GRM7: variants seen among roughly 807,000 people sequenced by gnomAD.
GRM7 encodes metabotropic glutamate receptor 7.
A neutral mutation model predicts 84.5 loss-of-function variants in GRM7; 35 were observed. The ratio of observed to expected loss-of-function variants is 0.41; its 90% confidence interval spans 0.32 to 0.55. The LOEUF is 0.55. Among genes scored for constraint, GRM7 ranks in the 20% least tolerant of loss-of-function variants. The pLI is 0.19. For synonymous variants in GRM7, 487 were observed against 455.1 expected, an observed-to-expected ratio of 1.07 and a Z score of -0.89; for missense variants, 1,003 against 1,194.6, an observed-to-expected ratio of 0.84 and a Z score of 2.36.
At chr3:6,952,970 C>A (rs1692852463) in intron 1 of GRM7, among the ~76,000 whole-genome samples, 1 of 152,158 alleles carries the variant, frequency 6.6e-6, no homozygotes, top group Admixed American at 6.5e-5. Flanking sequence ...AATACAACAA[C>A]TGTTCTTAAT....
At chr3:7,213,561 C>T (rs916130810) in intron 2 of GRM7, among the ~76,000 whole-genome samples, 43 of 152,286 alleles carry the variant, frequency 2.8e-4, no homozygotes, top group African/African-American at 1.0e-3. Flanking sequence ...CTATGAGACA[C>T]AGATGTATAT....
At chr3:7,178,504 C>A (rs902846453) in intron 2 of GRM7, among the ~76,000 whole-genome samples, 1 of 152,112 alleles carries the variant, frequency 6.6e-6, no homozygotes, top group Non-Finnish European at 1.5e-5. Flanking sequence ...TCCTTGCACA[C>A]CTCAGCTCAC....
At chr3:7,596,296 G>A (rs759210721) in intron 8 of GRM7, among the ~76,000 whole-genome samples, 8 of 152,042 alleles carry the variant, frequency 5.3e-5, no homozygotes, top group Non-Finnish European at 8.8e-5. Context: ...AGGCAACTTC[G>A]GACACAGTAA....
At position 7,068,536 on chromosome 3, in the gene GRM7, C is replaced by A. The variant is rs551494129; in HGVS notation, c.520-77916C>A. On this transcript the variant is annotated intron_variant, in intron 1 of 9. Coordinates refer to ENST00000357716, the MANE Select transcript of GRM7 (RefSeq NM_000844.4). ...TTTTGATTTTAAACTCTATCTTGAG[C>A]ATGCTGTGTACAACATTGTTTACTG... Among the ~76,000 whole-genome samples the A allele has an allele frequency of 3.3e-5, 5 of 152,124 alleles. No individual in the cohort carries two copies. In the South Asian group the frequency reaches 8.3e-4, roughly 25 times the overall value.
intron 1 of GRM7, among the ~76,000 whole-genome samples, chr3:7,106,403 C>T (rs191882692): frequency 1.4e-3 from 205 of 151,600 alleles, no homozygotes; most frequent in Non-Finnish European, 2.0e-3. Flanking sequence ...TTCCAGTCCC[C>T]CCTATATTGT....
chr3:7,721,822 A>G (rs537079543), intron 9 of GRM7, among the ~76,000 whole-genome samples: 1 of 152,310 alleles, frequency 6.6e-6, no homozygotes, highest in Admixed American at 6.5e-5. Flanking sequence ...ACTATTCTAT[A>G]GAATAAGAAA....
intron 7 of GRM7, among the ~76,000 whole-genome samples, chr3:7,547,182 A>C (rs1020494025): frequency 1.4e-5 from 2 of 143,756 alleles, no homozygotes; most frequent in Non-Finnish European, 3.0e-5. Context: ...CACAGCCCCC[A>C]GAGAGTGAAT....
chr3:7,403,066 C>A (rs1695518781), intron 4 of GRM7: 1 of 290,734 alleles, frequency 3.4e-6, no homozygotes, highest in Non-Finnish European at 7.1e-6. Flanking sequence ...AAGATGGTAA[C>A]CAGGCAACAT....
chr3:7,573,385 G>A (rs1448526854), intron 7 of GRM7, among the ~76,000 whole-genome samples: 1 of 152,080 alleles, frequency 6.6e-6, no homozygotes, highest in African/African-American at 2.4e-5. Context: ...TTGGAAATAT[G>A]CAAATGGAAT....
At chr3:7,557,124 T>C (rs17665113) in intron 7 of GRM7, among the ~76,000 whole-genome samples, 13,947 of 152,216 alleles carry the variant, frequency 0.092, 799 homozygotes, top group South Asian at 0.12. Context: ...GGATGAAATC[T>C]AGTGGATGTG....
intron 9 of GRM7, among the ~76,000 whole-genome samples, chr3:7,701,535 C>A (rs950169208): frequency 2.6e-5 from 4 of 152,068 alleles, no homozygotes; most frequent in African/African-American, 7.2e-5. Flanking sequence ...GATCTCCTGA[C>A]CTCGTGATCC....
chr3:7,628,674 G>A (rs1236987441), intron 8 of GRM7, among the ~76,000 whole-genome samples: 1 of 152,146 alleles, frequency 6.6e-6, no homozygotes, highest in Non-Finnish European at 1.5e-5. Context: ...CTTCCTAGAT[G>A]AGGAGGCATT....
chr3:7,318,951 C>T lies in GRM7; in HGVS notation c.1033+12299C>T, dbSNP rs146181267. Among the ~76,000 whole-genome samples the T allele has an allele frequency of 2.6e-3, 388 of 152,092 alleles. 2 individuals are homozygous for T. The highest frequency in any genetic ancestry group is 8.8e-3 in the African/African-American group (367 of 41,504). On this transcript the variant is annotated intron_variant, in intron 4 of 9. Coordinates refer to ENST00000357716, the MANE Select transcript of GRM7 (RefSeq NM_000844.4). Reference sequence around the variant, plus strand: ...ATTTCAGACAAAAATGCCAATTTGTCGTTTGGATTTTAGGAGGTTTTGGCA... The same window carrying T: ...ATTTCAGACAAAAATGCCAATTTGTTGTTTGGATTTTAGGAGGTTTTGGCA...
Position 6,862,679 on chromosome 3 carries a change from G to A in GRM7, c.519+772G>A. 1 of 100,886 alleles carries A rather than the reference G, an allele frequency of 9.9e-6. No individual in the cohort carries two copies. The highest frequency in any genetic ancestry group is 1.8e-5 in the Non-Finnish European group (1 of 54,374). The allele number at this position is 100,886 out of a possible 1,614,324, so 6.2% of individuals were successfully genotyped here. A position where few individuals can be genotyped will look rare whatever the true frequency, so the allele number is the denominator to read the frequency against. ...CCACTTCAGACCTCAGCCCAGGGATGAGCTCACGCGAAACGAAATCGCTCT... is the reference window on the plus strand; with the variant it reads ...CCACTTCAGACCTCAGCCCAGGGATAAGCTCACGCGAAACGAAATCGCTCT... On this transcript the variant is annotated intron_variant, in intron 1 of 9. Transcript: ENST00000357716. This position sits in a 1 kb window ranked among gnomAD's most constrained non-coding sequence, Gnocchi z 5.2.
At chr3:7,390,347 A>G (rs1034172806) in intron 4 of GRM7, among the ~76,000 whole-genome samples, 5 of 152,036 alleles carry the variant, frequency 3.3e-5, no homozygotes, top group African/African-American at 1.2e-4. Context: ...ATTGTCTTGT[A>G]TCTCACAGGG....
intron 2 of GRM7, among the ~76,000 whole-genome samples, chr3:7,190,305 A>G (rs1345160895): frequency 6.6e-6 from 1 of 152,116 alleles, no homozygotes; most frequent in Non-Finnish European, 1.5e-5. Context: ...GTTATTCCTT[A>G]ACCACCTTAA....
chr3:7,412,119 A>G (rs375759116), intron 4 of GRM7, among the ~76,000 whole-genome samples: 141 of 151,794 alleles, frequency 9.3e-4, no homozygotes, highest in Admixed American at 3.0e-3. Context: ...TGTTAGTGTC[A>G]TATGCCTATG....
At chr3:7,057,878 TC>T (rs1292982106) in intron 1 of GRM7, among the ~76,000 whole-genome samples, 1 of 151,942 alleles carries the variant, frequency 6.6e-6, no homozygotes, top group Non-Finnish European at 1.5e-5. Flanking sequence ...AGGCAAATGA[TC>T]TACTTAGGCA....
intron 4 of GRM7, among the ~76,000 whole-genome samples, chr3:7,341,322 G>A (rs180875757): frequency 6.6e-6 from 1 of 152,058 alleles, no homozygotes; most frequent in African/African-American, 2.4e-5. Context: ...TTGTGTGTGT[G>A]TGCAGGGGTT....
Sources: allele counts gnomAD v4.1 joint callset (sites outside exome capture counted in the v4.1 genomes callset), GRCh38; gene constraint gnomAD v4.1.1; non-coding constraint Gnocchi (gnomAD v3.1); transcripts MANE v1.5; gene names NCBI Gene and HGNC (gene_info 2026-07-23, HGNC 2026-07-21).